PIGL: variants seen among roughly 807,000 people sequenced by gnomAD.
The protein encoded by PIGL is N-acetylglucosaminyl-phosphatidylinositol de-N-acetylase.
A neutral mutation model predicts 31.1 loss-of-function variants in PIGL; 22 were observed. The ratio of observed to expected loss-of-function variants is 0.71; its 90% confidence interval spans 0.51 to 1.01. The LOEUF (loss-of-function observed/expected upper bound fraction) is 1.01, where lower values mean the gene tolerates loss of function less well. PIGL is among the 50% of genes least tolerant of loss of function. The pLI is 0.00. For missense variants in PIGL, 302 were observed against 315.9 expected (o/e 0.96, Z 0.33); for synonymous variants, 131 against 117.4 (o/e 1.12, Z -0.75).
intron 6 of PIGL, among the ~76,000 whole-genome samples, chr17:16,322,426 G>T (rs1471084027): frequency 6.6e-6 from 1 of 151,900 alleles, no homozygotes; most frequent in East Asian, 1.9e-4. Context: ...AACTTGAAAG[G>T]TTAGCTTTGT....
chr17:16,228,623 C>T (rs553931872), intron 1 of PIGL, among the ~76,000 whole-genome samples: 209 of 151,730 alleles, frequency 1.4e-3, no homozygotes, highest in African/African-American at 4.9e-3. Context: ...CTCCTGACCT[C>T]GTGATCCGCC....
chr17:16,312,305 C>T (rs542560948), intron 3 of PIGL: 161 of 162,266 alleles, frequency 9.9e-4, no homozygotes, highest in Non-Finnish European at 1.7e-3. Context: ...GGCAGAGGCG[C>T]TCCTCACATC....
At chr17:16,234,594 G>A (rs866907768) in intron 2 of PIGL, among the ~76,000 whole-genome samples, 2 of 152,144 alleles carry the variant, frequency 1.3e-5, no homozygotes, top group South Asian at 2.1e-4. Flanking sequence ...GTAAAACCCC[G>A]CATCTACTAA....
chr17:16,223,028 TA>T (rs1371972484), intron 1 of PIGL, among the ~76,000 whole-genome samples: 2 of 151,160 alleles, frequency 1.3e-5, no homozygotes, highest in Non-Finnish European at 2.9e-5. Flanking sequence ...AATAAATAAA[TA>T]AAATGAAAAG....
chr17:16,299,967 G>A lies in PIGL; in HGVS notation c.415G>A (p.Gly139Ser). The change falls in exon 3 of 7, where the codon GGC becomes AGC. Residue 139 changes from glycine (G) to serine (S), a missense_variant. Transcript: ENST00000225609. The stretch of plus-strand genomic sequence containing the variant: ...CCTCCTTCAGCACATAGAAGTGAAT[G>A]GCATCAATCTGGTAAGGGGGCAGCT... ...RVLLQHIEVN[G>S]INLVVTFDAG... 6.2e-7 allele frequency: 1 copy of A among 1,613,102 alleles called. No homozygotes were observed. Among genetic ancestry groups the A allele is most frequent in the Non-Finnish European group, 8.5e-7 (1 of 1,179,078 alleles).
At chr17:16,217,799 G>A in intron 1 of PIGL, 1 of 282,520 alleles carries the variant, frequency 3.5e-6, no homozygotes, top group South Asian at 4.8e-5. Context: ...CAAGAATATT[G>A]ACCTTACTAT....
chr17:16,248,121 C>T (rs922870150), intron 2 of PIGL, among the ~76,000 whole-genome samples: 1 of 152,240 alleles, frequency 6.6e-6, no homozygotes, highest in African/African-American at 2.4e-5. Context: ...CTCCTGACCT[C>T]GTGATCCACC....
chr17:16,305,572 G>A (rs888428864), intron 3 of PIGL, among the ~76,000 whole-genome samples: 1 of 152,118 alleles, frequency 6.6e-6, no homozygotes, highest in Non-Finnish European at 1.5e-5. Flanking sequence ...ACAGAAAGGG[G>A]GAAACTACAA....
chr17:16,280,692 C>T (rs749253025), intron 2 of PIGL, among the ~76,000 whole-genome samples: 2 of 151,902 alleles, frequency 1.3e-5, no homozygotes, highest in African/African-American at 4.8e-5. Context: ...AGGGTTCACT[C>T]AGTGTTTTTT....
chr17:16,265,421 G>C (rs1434856728), intron 2 of PIGL, among the ~76,000 whole-genome samples: 1 of 152,004 alleles, frequency 6.6e-6, no homozygotes, highest in South Asian at 2.1e-4. Flanking sequence ...TGGAGTATTA[G>C]TCCCCACAAC....
rs769286648 is a variant in PIGL, at chr17:16,325,819, G to A, written c.680G>A (p.Arg227His). The change falls in exon 7 of 7, where the codon CGC becomes CAC. Residue 227 changes from arginine to histidine, a missense_variant. Arg to His is a conservative substitution (Grantham distance 29). Transcript: ENST00000225609. Reference protein sequence around the residue: ...AQAKKAMSCHRSQLLWFRRLY... With the variant: ...AQAKKAMSCHHSQLLWFRRLY... Reference sequence around the variant, plus strand: ...TTCTAGAAAGCCATGTCCTGCCACCGCAGCCAGCTCCTCTGGTTCCGCCGC... The same window carrying A: ...TTCTAGAAAGCCATGTCCTGCCACCACAGCCAGCTCCTCTGGTTCCGCCGC... The A allele has an allele frequency of 4.5e-5, 72 of 1,613,456 alleles. 1 individual carries two copies. The South Asian group carries it at 5.7e-4, about 13-fold the overall frequency.
intron 2 of PIGL, among the ~76,000 whole-genome samples, chr17:16,263,519 G>GT (rs142684710): frequency 0.055 from 8,200 of 148,800 alleles, 769 homozygotes; most frequent in African/African-American, 0.19. Context: ...TTTTGTTTAG[G>GT]TTTTTTTTTG....
intron 6 of PIGL, among the ~76,000 whole-genome samples, chr17:16,319,717 T>C (rs1056628850): frequency 4.7e-5 from 7 of 147,930 alleles, no homozygotes; most frequent in African/African-American, 1.8e-4. Context: ...ATCGCACCAC[T>C]GCACTCCAGC....
At chr17:16,243,302 G>C (rs1359244512) in intron 2 of PIGL, among the ~76,000 whole-genome samples, 1 of 152,000 alleles carries the variant, frequency 6.6e-6, no homozygotes, top group Non-Finnish European at 1.5e-5. Context: ...CACCTGCCTC[G>C]AACTCCCAAA....
intron 2 of PIGL, among the ~76,000 whole-genome samples, chr17:16,255,212 G>T (rs1036103481): frequency 6.6e-6 from 1 of 152,172 alleles, no homozygotes; most frequent in Non-Finnish European, 1.5e-5. Context: ...CTTCTGGAAA[G>T]TTCTTCTTTT....
Position 16,234,008 on chromosome 17 carries a change from A to G in PIGL, c.273A>G (p.Glu91=). The G allele has an allele frequency of 6.2e-7, 1 of 1,609,682 alleles. No individual in the cohort carries two copies. Among genetic ancestry groups the G allele is most frequent in the Admixed American group, 1.7e-5 (1 of 59,980 alleles). Residue 91 remains glutamate, a synonymous_variant, in exon 2 of 7, where the codon GAA becomes GAG. Coordinates refer to ENST00000225609, the MANE Select transcript of PIGL (RefSeq NM_004278.4). Reference sequence around the variant, plus strand: ...ATCAAGGAGAGACTCGTAAGAAAGAACTTTTGCAGAGCTGTGATGTTTTGG... The same window carrying G: ...ATCAAGGAGAGACTCGTAAGAAAGAGCTTTTGCAGAGCTGTGATGTTTTGG... ...YYNQGETRKK[E]LLQSCDVLGI...
chr17:16,317,562 G>T, intron 5 of PIGL: 1 of 1,355,840 alleles, frequency 7.4e-7, no homozygotes, highest in Non-Finnish European at 9.5e-7. Context: ...GCAGGGTAGA[G>T]GGTAGCCAGC....
Position 16,255,415 on chromosome 17 carries a change from A to T in PIGL, c.335+21345A>T, listed in dbSNP as rs149347626. Among the ~76,000 whole-genome samples, 8 of 152,364 alleles carry T rather than the reference A, an allele frequency of 5.3e-5. No individual in the cohort carries two copies. In the East Asian group the frequency reaches 1.5e-3, roughly 29 times the overall value. ...TCTTGACATCAATGTAGCATTAAAA[A>T]GTCCAAGACTTTTACAGACTAATTT... On this transcript the variant is annotated intron_variant, in intron 2 of 6. Coordinates refer to ENST00000225609, the MANE Select transcript of PIGL (RefSeq NM_004278.4).
At chr17:16,310,159 A>G (rs2093043043) in intron 3 of PIGL, among the ~76,000 whole-genome samples, 1 of 152,054 alleles carries the variant, frequency 6.6e-6, no homozygotes, top group African/African-American at 2.4e-5. Context: ...GAATTATGGC[A>G]TTCTGTTGTT....
Sources: allele counts gnomAD v4.1 joint callset (sites outside exome capture counted in the v4.1 genomes callset), GRCh38; gene constraint gnomAD v4.1.1; transcripts MANE v1.5; gene names NCBI Gene and HGNC (gene_info 2026-07-23, HGNC 2026-07-21).